RAB42: variants seen among roughly 807,000 people sequenced by gnomAD.
The protein encoded by RAB42 is ras-related protein Rab-42.
Under a neutral mutation model 7.5 loss-of-function variants are expected in RAB42, and 4 were observed. The observed-to-expected ratio is 0.53, with a 90% CI of 0.26 to 1.22. RAB42 has a LOEUF of 1.22. Ranked by LOEUF, RAB42 falls within the 50% of genes most tolerant of loss-of-function variation. The pLI is 0.13. For missense variants in RAB42, 208 were observed against 281.2 expected, an observed-to-expected ratio of 0.74 and a Z score of 1.86; for synonymous variants, 82 against 129.0, an observed-to-expected ratio of 0.64 and a Z score of 2.47.
Position 28,595,175 on chromosome 1 carries a change from C to A in RAB42, c.*1058C>A, listed in dbSNP as rs1666413518. The A allele has an allele frequency of 2.4e-5, 4 of 167,152 alleles. No homozygotes were observed. The highest frequency in any genetic ancestry group is 1.5e-5 in the Non-Finnish European group (1 of 68,120). 10.4% of individuals were successfully genotyped at this position (167,152 alleles called of 1,614,324 possible). A position where few individuals can be genotyped will look rare whatever the true frequency, so the allele number is the denominator to read the frequency against. On this transcript the variant is annotated 3_prime_UTR_variant, in exon 2 of 2. Coordinates refer to ENST00000465518, the MANE Select transcript of RAB42 (RefSeq NM_001193532.3). The stretch of plus-strand genomic sequence containing the variant: ...TGGAGTGCCACTGGATGATGGACTT[C>A]AGCTTGCCCCACTCTCTGGGAAAGG...
At position 28,593,122 on chromosome 1, in the gene RAB42, G is replaced by A. The variant is rs1255295532; in HGVS notation, c.233+378G>A. 3.3e-5 allele frequency among the ~76,000 whole-genome samples: 5 copies of A among 152,138 alleles called. No individual in the cohort carries two copies. In the South Asian group the frequency reaches 8.3e-4, roughly 25 times the overall value. On this transcript the variant is annotated intron_variant, in intron 1 of 1. Transcript: ENST00000465518. ...AAGAGAACAGAGGAACGAAGACCTA[G>A]GTCAGGGCAGCACCAGGCCTTCTCC...
rs1241234070 is a variant in RAB42, at chr1:28,594,040, G to A, written c.580G>A (p.Gly194Ser). 3 of 1,613,600 alleles carry A rather than the reference G, an allele frequency of 1.9e-6. No homozygotes were observed. The highest frequency in any genetic ancestry group is 2.7e-5 in the African/African-American group (2 of 74,916). ...CATCAAGCTAGAAGAGGGCTGGGGG[G>A]GTGTCCGGCTCATCCACAAGACCCA... ...GDIKLEEGWG[G>S]VRLIHKTQIP... The change falls in exon 2 of 2, where the codon GGT becomes AGT. Residue 194 changes from glycine (G) to serine (S), a missense_variant. By Grantham distance (56) the Gly-to-Ser change is moderately conservative (BLOSUM62 0). Coordinates refer to ENST00000465518, the MANE Select transcript of RAB42 (RefSeq NM_001193532.3).
rs983471174 is a variant in RAB42 at position 28,594,746 on chromosome 1, G to A, written c.*629G>A. 1 of 167,014 alleles carries A rather than the reference G, an allele frequency of 6.0e-6. No homozygotes were observed. The highest frequency in any genetic ancestry group is 2.4e-5 in the African/African-American group (1 of 41,402). The allele number at this position is 167,014 out of a possible 1,614,324, so 10.3% of individuals were successfully genotyped here. The stretch of plus-strand genomic sequence containing the variant: ...AGGATGTGCTCACCCAGAGCCTGCC[G>A]CGCTGTGAATTGAATGACAAAAGCT... On this transcript the variant is annotated 3_prime_UTR_variant, in exon 2 of 2. Transcript: ENST00000465518.
In RAB42 at chr1:28,594,117, A is replaced by T. The variant is rs753169892; in HGVS notation, c.657A>T (p.Ter219CysextTer2). The change falls in exon 2 of 2, where the codon TGA (stop) becomes TGT (cysteine). Residue 219 changes from the stop codon to cysteine, a stop_lost. Transcript: ENST00000465518. ...RKQHSGPCQC[*>C] ...AGCACTCAGGCCCATGCCAGTGTTG[A>T]CTCTAGGAGAGAAAGGGTTAAAGCA... is the stretch of plus-strand genomic sequence containing the variant. 2 of 1,572,602 alleles carry T rather than the reference A, an allele frequency of 1.3e-6. No homozygotes were observed. The highest frequency in any genetic ancestry group is 1.7e-6 in the Non-Finnish European group (2 of 1,158,820).
In RAB42 at chr1:28,592,634, C is replaced by G. The variant is rs1290918340; in HGVS notation, c.123C>G (p.Pro41=). 2 of 1,224,690 alleles carry G rather than the reference C, an allele frequency of 1.6e-6. No individual in the cohort carries two copies. The highest frequency in any genetic ancestry group is 2.0e-6 in the Non-Finnish European group (2 of 983,276). 75.9% of individuals were successfully genotyped at this position (1,224,690 alleles called of 1,614,324 possible). ...CGCCTGGCGCCCCGGAGCCGGAGCC[C>G]GAGCCCGAGCCCACGGTGGGCGCCG... ...AGAPGAPEPE[P]EPEPTVGAEC... The change falls in exon 1 of 2, where the codon CCC becomes CCG. Residue 41 remains proline (P), a synonymous_variant. Transcript: ENST00000465518. This position sits in a 1 kb window ranked among gnomAD's most constrained non-coding sequence, Gnocchi z 4.1.
chr1:28,593,999 C>G lies in RAB42; in HGVS notation c.539C>G (p.Ala180Gly). 6.2e-7 allele frequency: 1 copy of G among 1,613,924 alleles called. No homozygotes were observed. ...ACCCTCGCTGATGCTATCCAGCAGG[C>G]CCTGCAGCAGGGGGACATCAAGCTA... Reference protein sequence around the residue: ...FDTLADAIQQALQQGDIKLEE... With the variant: ...FDTLADAIQQGLQQGDIKLEE... Residue 180 changes from alanine (A) to glycine (G), a missense_variant, in exon 2 of 2, where the codon GCC becomes GGC. Coordinates refer to ENST00000465518, the MANE Select transcript of RAB42 (RefSeq NM_001193532.3).
rs1252644817 is a variant in RAB42 at position 28,592,778 on chromosome 1, G to A, written c.233+34G>A. On this transcript the variant is annotated intron_variant, in intron 1 of 1. Coordinates refer to ENST00000465518, the MANE Select transcript of RAB42 (RefSeq NM_001193532.3). The surrounding 1 kb of genome is among the most constrained non-coding windows in gnomAD (Gnocchi z 4.1). ...AGCCGGGGCGCGGGAGGGACTTCTGGTGGGGGGCTCGGTGAGCGTGCTTTA... is the reference window on the plus strand; with the variant it reads ...AGCCGGGGCGCGGGAGGGACTTCTGATGGGGGGCTCGGTGAGCGTGCTTTA... 4 of 1,077,410 alleles carry A rather than the reference G, an allele frequency of 3.7e-6. No individual in the cohort carries two copies. Among genetic ancestry groups the A allele is most frequent in the Non-Finnish European group, 4.7e-6 (4 of 847,276 alleles). 66.7% of individuals were successfully genotyped at this position (1,077,410 alleles called of 1,614,324 possible). A position where few individuals can be genotyped will look rare whatever the true frequency, so the allele number is the denominator to read the frequency against.
chr1:28,593,959 G>A lies in RAB42; in HGVS notation c.499G>A (p.Asp167Asn), dbSNP rs1304502518. The change falls in exon 2 of 2, where the codon GAC becomes AAC. Residue 167 changes from aspartate (D) to asparagine (N), a missense_variant. Transcript: ENST00000465518. ...ETSVKNNCNV[D>N]LAFDTLADAI... ...CTCGGTTAAAAACAACTGCAATGTGGACCTGGCCTTTGACACCCTCGCTGA... is the reference window on the plus strand; with the variant it reads ...CTCGGTTAAAAACAACTGCAATGTGAACCTGGCCTTTGACACCCTCGCTGA... 1 of 1,613,738 alleles carries A rather than the reference G, an allele frequency of 6.2e-7. No homozygotes were observed. Among genetic ancestry groups the A allele is most frequent in the Non-Finnish European group, 8.5e-7 (1 of 1,179,820 alleles).
Position 28,592,681 on chromosome 1 carries a change from A to C in RAB42, c.170A>C (p.Gln57Pro). Reference sequence around the variant, plus strand: ...GCCGAGTGCTACCGCCGCGCGCTGCAGCTGCGGGCCGGGCCGCGGGTCAAG... The same window carrying C: ...GCCGAGTGCTACCGCCGCGCGCTGCCGCTGCGGGCCGGGCCGCGGGTCAAG... Reference protein sequence around the residue: ...VGAECYRRALQLRAGPRVKLQ... With the variant: ...VGAECYRRALPLRAGPRVKLQ... The change falls in exon 1 of 2, where the codon CAG (glutamine) becomes CCG (proline). Residue 57 changes from glutamine (Q) to proline (P), a missense_variant. Gln to Pro is a moderately conservative substitution (Grantham distance 76, BLOSUM62 -1). Coordinates refer to ENST00000465518, the MANE Select transcript of RAB42 (RefSeq NM_001193532.3). This position sits in a 1 kb window ranked among gnomAD's most constrained non-coding sequence, Gnocchi z 4.1. The C allele has an allele frequency of 8.1e-7, 1 of 1,229,046 alleles. No individual in the cohort carries two copies. The highest frequency in any genetic ancestry group is 3.2e-5 in the East Asian group (1 of 31,514). The allele number at this position is 1,229,046 out of a possible 1,614,324, so 76.1% of individuals were successfully genotyped here.
Position 28,595,138 on chromosome 1 carries a change from C to T in RAB42, c.*1021C>T, listed in dbSNP as rs1040095542. 1 of 167,096 alleles carries T rather than the reference C, an allele frequency of 6.0e-6. No individual in the cohort carries two copies. Among genetic ancestry groups the T allele is most frequent in the African/African-American group, 2.4e-5 (1 of 41,442 alleles). The allele number at this position is 167,096 out of a possible 1,614,324, so 10.4% of individuals were successfully genotyped here. ...TCTGGCTGGGGAACCCATCAACCCTCTCCCCAGCTGCTGGAGTGCCACTGG... is the reference window on the plus strand; with the variant it reads ...TCTGGCTGGGGAACCCATCAACCCTTTCCCCAGCTGCTGGAGTGCCACTGG... On this transcript the variant is annotated 3_prime_UTR_variant, in exon 2 of 2. Transcript: ENST00000465518.
At position 28,592,446 on chromosome 1, in the gene RAB42, C is replaced by T. The variant is rs990157981; in HGVS notation, c.-66C>T. The T allele has an allele frequency of 4.6e-6, 4 of 863,348 alleles. No individual in the cohort carries two copies. The African/African-American group carries it at 7.2e-5, about 16-fold the overall frequency. 53.5% of individuals were successfully genotyped at this position (863,348 alleles called of 1,614,324 possible). ...AGCGGGGGGCGGCGCCGGCGGGGCC[C>T]CGGGCAGGGGCGGGGTCGGGGCGCG... On this transcript the variant is annotated 5_prime_UTR_variant, in exon 1 of 2. Coordinates refer to ENST00000465518, the MANE Select transcript of RAB42 (RefSeq NM_001193532.3). This position sits in a 1 kb window ranked among gnomAD's most constrained non-coding sequence, Gnocchi z 4.1.
rs1337141629 is a variant in RAB42 at position 28,592,751 on chromosome 1, G to A, written c.233+7G>A. On this transcript the variant is annotated splice_region_variant and intron_variant, in intron 1 of 1. Coordinates refer to ENST00000465518, the MANE Select transcript of RAB42 (RefSeq NM_001193532.3). The surrounding 1 kb of genome is among the most constrained non-coding windows in gnomAD (Gnocchi z 4.1). ...CGGGCCACGAGCGCTTCAGGTGCGGGTAGCCGGGGCGCGGGAGGGACTTCT... is the reference window on the plus strand; with the variant it reads ...CGGGCCACGAGCGCTTCAGGTGCGGATAGCCGGGGCGCGGGAGGGACTTCT... The A allele has an allele frequency of 1.6e-6, 2 of 1,217,090 alleles. No homozygotes were observed. The highest frequency in any genetic ancestry group is 4.2e-5 in the Admixed American group (1 of 23,644). The allele number at this position is 1,217,090 out of a possible 1,614,324, so 75.4% of individuals were successfully genotyped here.
chr1:28,592,779 TG>T lies in RAB42; in HGVS notation c.233+41del, dbSNP rs1186311923. On this transcript the variant is annotated intron_variant, in intron 1 of 1. Transcript: ENST00000465518. This position sits in a 1 kb window ranked among gnomAD's most constrained non-coding sequence, Gnocchi z 4.1. ...GCCGGGGCGCGGGAGGGACTTCTGGTGGGGGGCTCGGTGAGCGTGCTTTAGG... is the reference window on the plus strand; with the variant it reads ...GCCGGGGCGCGGGAGGGACTTCTGGTGGGGGCTCGGTGAGCGTGCTTTAGG... The T allele has an allele frequency of 9.4e-7, 1 of 1,067,382 alleles. No individual in the cohort carries two copies. Among genetic ancestry groups the T allele is most frequent in the Non-Finnish European group, 1.2e-6 (1 of 839,152 alleles). The allele number at this position is 1,067,382 out of a possible 1,614,324, so 66.1% of individuals were successfully genotyped here. A position where few individuals can be genotyped will look rare whatever the true frequency, so the allele number is the denominator to read the frequency against.
chr1:28,593,603 T>C (rs1007370007), intron 1 of RAB42, 91 bp from the exon 2 acceptor site: 3 of 1,357,996 alleles, frequency 2.2e-6, no homozygotes, highest in Non-Finnish European at 3.0e-6. Flanking sequence ...AGGCATTCTG[T>C]GGATCCCAGG....
chr1:28,592,749 G>A lies in RAB42; in HGVS notation c.233+5G>A, dbSNP rs115696952. On this transcript the variant is annotated splice_donor_5th_base_variant and intron_variant, in intron 1 of 1. Coordinates refer to ENST00000465518, the MANE Select transcript of RAB42 (RefSeq NM_001193532.3). This position sits in a 1 kb window ranked among gnomAD's most constrained non-coding sequence, Gnocchi z 4.1. ...CGCGGGCCACGAGCGCTTCAGGTGCGGGTAGCCGGGGCGCGGGAGGGACTT... is the reference window on the plus strand; with the variant it reads ...CGCGGGCCACGAGCGCTTCAGGTGCAGGTAGCCGGGGCGCGGGAGGGACTT... The A allele has an allele frequency of 0.022, 26,510 of 1,215,760 alleles. 328 individuals are homozygous for A. The highest frequency in any genetic ancestry group is 0.025 in the Non-Finnish European group (24,126 of 973,682). 75.3% of individuals were successfully genotyped at this position (1,215,760 alleles called of 1,614,324 possible).
intron 1 of RAB42, among the ~76,000 whole-genome samples, 164 bp from the exon 2 acceptor site, chr1:28,593,530 A>ACCT (rs2124268406): frequency 6.6e-6 from 1 of 152,142 alleles, no homozygotes; most frequent in South Asian, 2.1e-4. Flanking sequence ...GACTGTTAGG[A>ACCT]GAGACACAGA....
chr1:28,593,113 G>A (rs1666355714), intron 1 of RAB42, among the ~76,000 whole-genome samples: 2 of 152,118 alleles, frequency 1.3e-5, no homozygotes, highest in Admixed American at 1.3e-4. Flanking sequence ...ACAGAGGAAC[G>A]AAGACCTAGG....
Position 28,593,979 on chromosome 1 carries a change from C to G in RAB42, c.519C>G (p.Leu173=), listed in dbSNP as rs1486230156. 2 of 1,613,818 alleles carry G rather than the reference C, an allele frequency of 1.2e-6. No individual in the cohort carries two copies. The highest frequency in any genetic ancestry group is 1.7e-6 in the Non-Finnish European group (2 of 1,179,886). ...NCNVDLAFDT[L]ADAIQQALQQ... is the part of the protein sequence containing the mutation. ...ATGTGGACCTGGCCTTTGACACCCT[C>G]GCTGATGCTATCCAGCAGGCCCTGC... Residue 173 remains leucine (L), a synonymous_variant, in exon 2 of 2, where the codon CTC becomes CTG. Transcript: ENST00000465518.
At chr1:28,596,019 T>C (rs1333996113), downstream of RAB42, among the ~76,000 whole-genome samples, 1 of 152,184 alleles carries the variant, frequency 6.6e-6, no homozygotes, top group African/African-American at 2.4e-5. Context: ...AACATGAGAC[T>C]GATAATCCCT....
Sources: gnomAD v4.1 joint callset for allele counts (sites outside exome capture counted in the v4.1 genomes callset) on GRCh38, gnomAD v4.1.1 for gene constraint, Gnocchi (gnomAD v3.1) non-coding constraint, MANE v1.5 for transcripts, NCBI Gene and HGNC (gene_info 2026-07-23, HGNC 2026-07-21) for gene names.